The following DOCK10 variants were observed in gnomAD, a reference collection of about 807,000 sequenced individuals.
The protein encoded by DOCK10 is dedicator of cytokinesis 10.
Under a neutral mutation model 280.1 loss-of-function variants are expected in DOCK10, and 145 were observed. That is an observed-to-expected ratio of 0.52 (90% CI 0.45 to 0.59). DOCK10 has a LOEUF of 0.59. Among genes scored for constraint, DOCK10 ranks in the 20% least tolerant of loss-of-function variants. The probability of loss-of-function intolerance (pLI) is 0.00; values close to 1 mark genes in which losing one functional copy is unlikely to be tolerated. For missense variants in DOCK10, 2,368 were observed against 2,651.7 expected, an observed-to-expected ratio of 0.89 and a Z score of 2.35; for synonymous variants, 915 against 942.2, an observed-to-expected ratio of 0.97 and a Z score of 0.53.
intron 41 of DOCK10, among the ~76,000 whole-genome samples, 198 bp from the exon 42 acceptor site, chr2:224,798,167 T>C (rs1692717303): frequency 2.0e-5 from 3 of 152,078 alleles, no homozygotes; most frequent in African/African-American, 7.2e-5. Context: ...CAAATGGAAA[T>C]AGACTAGGAT....
intron 1 of DOCK10, among the ~76,000 whole-genome samples, chr2:224,958,735 C>T (rs1704196117): frequency 2.6e-5 from 4 of 152,044 alleles, no homozygotes; most frequent in Admixed American, 2.6e-4. Flanking sequence ...CTGTAAATTC[C>T]CAGAGCAATA....
At chr2:224,799,228 A>G (rs1363675154) in intron 41 of DOCK10, among the ~76,000 whole-genome samples, 4 of 152,116 alleles carry the variant, frequency 2.6e-5, no homozygotes, top group Admixed American at 2.0e-4. Flanking sequence ...TATAGTTTGC[A>G]TTTTCTAAAA....
In DOCK10 at chr2:224,857,005, G is replaced by A. The variant is rs772019221; in HGVS notation, c.1686-23C>T. 4.4e-6 allele frequency: 7 copies of A among 1,573,610 alleles called. No individual in the cohort carries two copies. The African/African-American group carries it at 6.8e-5, about 15-fold the overall frequency. On this transcript the variant is annotated intron_variant, in intron 14 of 55. Transcript: ENST00000258390. ...GATCTAAAAGAAAATATTTATTCAG[G>A]TTGGTAGTTGGATATTGTTTATAAA...
In DOCK10 at chr2:224,798,144, G is replaced by GA. The variant is rs1483514208; in HGVS notation, c.4507-176dup. 3.9e-5 allele frequency among the ~76,000 whole-genome samples: 6 copies of GA among 152,134 alleles called. No homozygotes were observed. The East Asian group carries it at 7.7e-4, about 20-fold the overall frequency. On this transcript the variant is annotated intron_variant, in intron 41 of 55. Coordinates refer to ENST00000258390, the MANE Select transcript of DOCK10 (RefSeq NM_014689.3). ...CTGTGAAACTTACATAGCAGTGATT[G>GA]AAAAAAACATGACAAATGGAAATAG...
At chr2:224,924,398 T>A (rs62187987) in intron 2 of DOCK10, among the ~76,000 whole-genome samples, 1 of 152,054 alleles carries the variant, frequency 6.6e-6, no homozygotes, top group Admixed American at 6.6e-5. Context: ...ACTAATCTCC[T>A]TTCTCTCTCT....
Position 224,970,467 on chromosome 2 carries a change from T to G in DOCK10, c.124-38799A>C, listed in dbSNP as rs1331068774. ...GATATCAATACCCAGATTTTGTCAT[T>G]ATATGATTCTGTTTCTGTTCTAGCA... On this transcript the variant is annotated intron_variant, in intron 1 of 55. Transcript: ENST00000258390. This position sits in a 1 kb window ranked among gnomAD's most constrained non-coding sequence, Gnocchi z 4.6. Among the ~76,000 whole-genome samples the G allele has an allele frequency of 6.6e-6, 1 of 152,202 alleles. No homozygotes were observed. The highest frequency in any genetic ancestry group is 1.5e-5 in the Non-Finnish European group (1 of 68,020).
chr2:224,862,456 G>A (rs965264375), intron 14 of DOCK10: 6 of 493,512 alleles, frequency 1.2e-5, no homozygotes, highest in African/African-American at 7.8e-5. Flanking sequence ...CATGTGTCAC[G>A]GCCCTCTATT....
chr2:224,845,081 A>C (rs1559543697), intron 21 of DOCK10, 122 bp downstream of exon 21: 1 of 1,071,038 alleles, frequency 9.3e-7, no homozygotes, highest in East Asian at 2.6e-5. Context: ...GCATAGGTAC[A>C]CTTGATTCAT....
intron 1 of DOCK10, 121 bp from the exon 2 acceptor site, chr2:224,931,789 C>T: frequency 1.8e-6 from 2 of 1,099,970 alleles, no homozygotes; most frequent in Admixed American, 3.0e-5. Context: ...CCTTCCAATG[C>T]AGTCACAGAG....
At chr2:225,026,157 G>A (rs927077158) in intron 1 of DOCK10, among the ~76,000 whole-genome samples, 5 of 152,150 alleles carry the variant, frequency 3.3e-5, no homozygotes, top group African/African-American at 9.7e-5. Flanking sequence ...ATGCCCAGAA[G>A]CTTGAGTGGC....
At chr2:224,921,112 A>AAAAAAAAAATATATATATAT in intron 2 of DOCK10, among the ~76,000 whole-genome samples, 1 of 54,406 alleles carries the variant, frequency 1.8e-5, no homozygotes, top group Non-Finnish European at 3.0e-5. Flanking sequence ...AAAAAAAAAA[A>AAAAAAAAAATATATATATAT]ATATATATAT....
rs777406777 is a variant in DOCK10, at chr2:224,886,158, C to A, written c.517G>T (p.Gly173Trp). ...CCAGTTCCTCCCGCTCCTCCACCCC[C>A]CTTGGAAGACGAGTGGGAAGTGGTA... ...EDTTSHSSSK[G>W]GGGAGGTGVF... Residue 173 changes from glycine (G) to tryptophan (W), a missense_variant, in exon 6 of 56, where the codon GGG becomes TGG. This residue lies in a region of DOCK10 where 1,209 missense variants were observed against 1,250.9 expected (regional missense o/e 0.97). Coordinates refer to ENST00000258390, the MANE Select transcript of DOCK10 (RefSeq NM_014689.3). 7 of 1,613,860 alleles carry A rather than the reference C, an allele frequency of 4.3e-6. No homozygotes were observed. The highest frequency in any genetic ancestry group is 3.3e-4 in the Middle Eastern group (2 of 6,060).
intron 1 of DOCK10, among the ~76,000 whole-genome samples, chr2:225,035,572 A>ATATATATATATATATATATATATATATAT (rs1559986747): frequency 1.4e-5 from 1 of 69,958 alleles, no homozygotes; most frequent in Non-Finnish European, 2.9e-5. Flanking sequence ...ATATATATAT[A>ATATATATATATATATATATATATATATAT]TATATATATA....
At position 224,967,072 on chromosome 2, in the gene DOCK10, A is replaced by T. The variant is rs7598834; in HGVS notation, c.124-35404T>A. 9.2e-4 allele frequency among the ~76,000 whole-genome samples: 138 copies of T among 150,076 alleles called. 2 individuals are homozygous for T. Among genetic ancestry groups the T allele is most frequent in the African/African-American group, 3.3e-3 (134 of 41,020 alleles). On this transcript the variant is annotated intron_variant, in intron 1 of 55. Transcript: ENST00000258390. ...GGACCAAATGGATAAAGTTCACCCTATCCTCTAGTCTTTTTTTTTTTTTTT... is the reference window on the plus strand; with the variant it reads ...GGACCAAATGGATAAAGTTCACCCTTTCCTCTAGTCTTTTTTTTTTTTTTT...
At chr2:224,836,996 G>A (rs1306482140) in intron 25 of DOCK10, among the ~76,000 whole-genome samples, 1 of 152,014 alleles carries the variant, frequency 6.6e-6, no homozygotes, top group African/African-American at 2.4e-5. Flanking sequence ...AAAAAGCTAT[G>A]TCTCAAAAAG....
At chr2:224,918,420 TTGAG>T (rs1701459287) in intron 2 of DOCK10, among the ~76,000 whole-genome samples, 1 of 148,444 alleles carries the variant, frequency 6.7e-6, no homozygotes, top group Admixed American at 6.8e-5. Context: ...TGTGTTGCAT[TTGAG>T]TGCGTGTGTT....
At chr2:224,896,498 C>T in intron 3 of DOCK10, 121 bp from the exon 4 acceptor site, 1 of 567,966 alleles carries the variant, frequency 1.8e-6, no homozygotes, top group South Asian at 2.6e-5. Context: ...CACCTGAGAT[C>T]AGGAGTTCGA....
chr2:225,033,263 A>C (rs1575176908), intron 1 of DOCK10, among the ~76,000 whole-genome samples: 1 of 151,762 alleles, frequency 6.6e-6, no homozygotes, highest in Admixed American at 6.6e-5. Context: ...GCTCACTGCG[A>C]CCTCCGCCTC....
chr2:224,970,852 T>C lies in DOCK10; in HGVS notation c.124-39184A>G, dbSNP rs555384009. Among the ~76,000 whole-genome samples the C allele has an allele frequency of 1.3e-5, 2 of 152,386 alleles. No homozygotes were observed. The highest frequency in any genetic ancestry group is 4.1e-4 in the South Asian group (2 of 4,828). On this transcript the variant is annotated intron_variant, in intron 1 of 55. Coordinates refer to ENST00000258390, the MANE Select transcript of DOCK10 (RefSeq NM_014689.3). This position sits in a 1 kb window ranked among gnomAD's most constrained non-coding sequence, Gnocchi z 4.6. ...ACCAGAAACTGGATAGGATTTGCTA[T>C]GCTATTGACATTACTTTGTATTTTG...
Sources: allele counts gnomAD v4.1 joint callset (sites outside exome capture counted in the v4.1 genomes callset), GRCh38; gene constraint gnomAD v4.1.1; regional missense constraint gnomAD v4.1.1; non-coding constraint Gnocchi (gnomAD v3.1); transcripts MANE v1.5; gene names NCBI Gene and HGNC (gene_info 2026-07-23, HGNC 2026-07-21).